Variants in LRSAM1 observed in about 807,000 individuals in gnomAD.
LRSAM1 encodes the protein E3 ubiquitin-protein ligase LRSAM1.
LRSAM1 carries 96 observed loss-of-function variants against 118.1 expected under a neutral mutation model. The observed-to-expected ratio is 0.81, with a 90% CI of 0.69 to 0.96. The LOEUF (loss-of-function observed/expected upper bound fraction) is 0.96. Among genes scored for constraint, LRSAM1 ranks in the 40% least tolerant of loss-of-function variants. The pLI, the probability that LRSAM1 is intolerant of heterozygous loss-of-function variation, is 0.00. For synonymous variants in LRSAM1, 322 were observed against 364.2 expected (o/e 0.88, Z 1.32); for missense variants, 804 against 915.5 (o/e 0.88, Z 1.57).
intron 12 of LRSAM1, 121 bp from the exon 13 acceptor site, chr9:127,479,262 G>T (rs1835443589): frequency 2.1e-6 from 3 of 1,433,134 alleles, no homozygotes; most frequent in East Asian, 2.4e-5. Context: ...GGGAGTGGGG[G>T]TTGCTCAGCA....
intron 3 of LRSAM1, among the ~76,000 whole-genome samples, 153 bp downstream of exon 3, chr9:127,454,752 C>T (rs1321434109): frequency 6.6e-6 from 1 of 152,122 alleles, no homozygotes; most frequent in African/African-American, 2.4e-5. Context: ...ACAGATGAGG[C>T]CCCCTGCCAA....
chr9:127,457,182 C>T lies in LRSAM1; in HGVS notation c.175-134C>T, dbSNP rs113052336. 3.0e-4 allele frequency: 264 copies of T among 869,920 alleles called. No individual in the cohort carries two copies. In the African/African-American group the frequency reaches 3.5e-3, roughly 12 times the overall value. The allele number at this position is 869,920 out of a possible 1,614,324, so 53.9% of individuals were successfully genotyped here. On this transcript the variant is annotated intron_variant, in intron 5 of 25. Transcript: ENST00000300417. ...ATTGGGAGAGTTCATGATACTGACC[C>T]GCATCCCCGTGGTGGTGTCTGGGAG...
rs542028105 is a variant in LRSAM1, at chr9:127,489,604, G to A, written c.1422+86G>A. The stretch of plus-strand genomic sequence containing the variant: ...CAGGGCGGCAGGTCGCAGCAGTTGA[G>A]GTTTGAACCCCAGCTCCTTGGCTTG... On this transcript the variant is annotated intron_variant, in intron 19 of 25. Transcript: ENST00000300417. 43 of 1,421,320 alleles carry A rather than the reference G, an allele frequency of 3.0e-5. 2 individuals carry two copies. In the East Asian group the frequency reaches 9.3e-4, roughly 31 times the overall value. 88.0% of individuals were successfully genotyped at this position (1,421,320 alleles called of 1,614,324 possible). A position where few individuals can be genotyped will look rare whatever the true frequency, so the allele number is the denominator to read the frequency against.
chr9:127,494,304 G>T (rs1368819757), intron 21 of LRSAM1, among the ~76,000 whole-genome samples: 1 of 152,234 alleles, frequency 6.6e-6, no homozygotes, highest in Non-Finnish European at 1.5e-5. Flanking sequence ...CGCCTGTGTT[G>T]ATCCCACTCC....
Position 127,487,661 on chromosome 9 carries a change from C to T in LRSAM1, c.1260-15C>T, listed in dbSNP as rs762386227. 1.2e-6 allele frequency: 2 copies of T among 1,611,582 alleles called. No homozygotes were observed. The highest frequency in any genetic ancestry group is 3.3e-5 in the Admixed American group (2 of 59,826). On this transcript the variant is annotated splice_polypyrimidine_tract_variant and intron_variant, in intron 17 of 25. Coordinates refer to ENST00000300417, the MANE Select transcript of LRSAM1 (RefSeq NM_001005373.4). ...AACGTTCCAAGAATGAATGAATTTG[C>T]TGTCTTTCTGGCAGCATGGCCGAAA...
At chr9:127,470,868 T>A (rs1443517427) in intron 10 of LRSAM1, 1 of 152,068 alleles carries the variant, frequency 6.6e-6, no homozygotes, top group Non-Finnish European at 1.5e-5. Flanking sequence ...GCATGAAGAT[T>A]CTGTGCTCTC....
intron 4 of LRSAM1, 136 bp downstream of exon 4, chr9:127,455,190 T>C: frequency 1.1e-6 from 1 of 943,894 alleles, no homozygotes; most frequent in East Asian, 2.4e-5. Context: ...TCCTTAGATT[T>C]TGTTCTCGTC....
intron 6 of LRSAM1, among the ~76,000 whole-genome samples, chr9:127,457,977 T>A (rs1475487957): frequency 6.6e-6 from 1 of 151,876 alleles, no homozygotes; most frequent in Non-Finnish European, 1.5e-5. Flanking sequence ...TCTTTTTTTT[T>A]TTTTTAATAT....
chr9:127,455,062 G>C lies in LRSAM1; in HGVS notation c.129+8G>C. ...AAATGTGAGCTCTCAGAGGTAAACT[G>C]AGGATAGTGTTGGGCTGTGAATTGG... On this transcript the variant is annotated splice_region_variant and intron_variant, in intron 4 of 25. Coordinates refer to ENST00000300417, the MANE Select transcript of LRSAM1 (RefSeq NM_001005373.4). The C allele has an allele frequency of 6.2e-7, 1 of 1,613,908 alleles. No homozygotes were observed. The highest frequency in any genetic ancestry group is 8.5e-7 in the Non-Finnish European group (1 of 1,179,794).
At chr9:127,493,542 A>G (rs1007155038) in intron 21 of LRSAM1, among the ~76,000 whole-genome samples, 7 of 151,982 alleles carry the variant, frequency 4.6e-5, no homozygotes, top group African/African-American at 1.7e-4. Context: ...CGTGGCCCCT[A>G]TTGTTGAGTA....
At position 127,479,852 on chromosome 9, in the gene LRSAM1, T is replaced by G. The variant is rs140151379; in HGVS notation, c.917T>G (p.Leu306Arg). 105 of 1,611,934 alleles carry G rather than the reference T, an allele frequency of 6.5e-5. No homozygotes were observed. In the African/African-American group the frequency reaches 1.2e-3, roughly 19 times the overall value. The stretch of plus-strand genomic sequence containing the variant: ...CTCCGGCTGCAGGAGCAGTCCCGGC[T>G]GGAGCAGGGCCTGAGTGAGCACCAG... ...LQTVKEEQSR[L>R]EQGLSEHQRH... Residue 306 changes from leucine to arginine, a missense_variant, in exon 14 of 26, where the codon CTG becomes CGG. By Grantham distance (102) the Leu-to-Arg change is moderately radical. Coordinates refer to ENST00000300417, the MANE Select transcript of LRSAM1 (RefSeq NM_001005373.4).
chr9:127,485,680 C>T (rs912100993), intron 16 of LRSAM1, 56 bp from the exon 17 acceptor site: 2 of 1,547,920 alleles, frequency 1.3e-6, no homozygotes, highest in African/African-American at 1.4e-5. Context: ...CCTCCCTGCC[C>T]AGGTGCCCCA....
At chr9:127,458,917 T>G (rs1588095801) in intron 6 of LRSAM1, 86 bp from the exon 7 acceptor site, 1 of 1,315,530 alleles carries the variant, frequency 7.6e-7, no homozygotes. Context: ...GGGTGTGAGG[T>G]GGCCCCAGCC....
chr9:127,484,677 A>G (rs2132077536), intron 16 of LRSAM1, among the ~76,000 whole-genome samples: 1 of 151,848 alleles, frequency 6.6e-6, no homozygotes, highest in African/African-American at 2.4e-5. Context: ...TTCTTTATCC[A>G]TTCATCTATC....
chr9:127,471,129 A>G (rs1835151630), intron 10 of LRSAM1: 1 of 152,050 alleles, frequency 6.6e-6, no homozygotes, highest in South Asian at 2.1e-4. Flanking sequence ...AGGTGATTCC[A>G]ATATACACCC....
rs542497718 is a variant in LRSAM1 at position 127,461,219 on chromosome 9, T to C, written c.368T>C (p.Ile123Thr). The C allele has an allele frequency of 4.2e-5, 67 of 1,612,080 alleles. No individual in the cohort carries two copies. Among genetic ancestry groups the C allele is most frequent in the African/African-American group, 1.2e-4 (9 of 74,994 alleles). Residue 123 changes from isoleucine (I) to threonine (T), a missense_variant, in exon 8 of 26, where the codon ATT becomes ACT. Ile to Thr is a moderately conservative substitution (Grantham distance 89). Transcript: ENST00000300417. ...CAACTGATGCAGCTCCCACGTTCCA[T>C]TGGGAACCTGACCCAGCTCCAGACT... ...RNQLMQLPRS[I>T]GNLTQLQTLN...
At chr9:127,490,057 C>T (rs966548221) in intron 19 of LRSAM1, among the ~76,000 whole-genome samples, 1 of 150,108 alleles carries the variant, frequency 6.7e-6, no homozygotes, top group Admixed American at 6.6e-5. Flanking sequence ...ACAAGATACC[C>T]CCCACCCCCC....
intron 20 of LRSAM1, among the ~76,000 whole-genome samples, chr9:127,491,707 C>A (rs985898507): frequency 2.0e-5 from 3 of 152,214 alleles, no homozygotes; most frequent in African/African-American, 7.2e-5. Context: ...GAGGAGAGGG[C>A]CCAGCCGCAT....
In LRSAM1 at chr9:127,501,012, C is replaced by T; in HGVS notation, c.1915C>T (p.Leu639=). The part of the protein sequence containing the change: ...LLDAARIQPE[L]KPPMGEVVTP... ...GTCTGTCTGTCTGGTCCCCACAGAG[C>T]TGAAACCACCAATGGGTGAGGTCGT... The change falls in exon 25 of 26, where the codon CTG becomes TTG. Residue 639 remains leucine (L), a splice_region_variant and synonymous_variant. Transcript: ENST00000300417. 1 of 1,613,968 alleles carries T rather than the reference C, an allele frequency of 6.2e-7. No individual in the cohort carries two copies. Among genetic ancestry groups the T allele is most frequent in the Non-Finnish European group, 8.5e-7 (1 of 1,180,030 alleles).
Sources: allele counts gnomAD v4.1 joint callset (sites outside exome capture counted in the v4.1 genomes callset), GRCh38; gene constraint gnomAD v4.1.1; transcripts MANE v1.5; gene names NCBI Gene and HGNC (gene_info 2026-07-23, HGNC 2026-07-21).